The following IL9R variants were observed in gnomAD, a reference collection of about 807,000 sequenced individuals.
IL9R encodes interleukin 9 receptor.
Under a neutral mutation model 56.3 loss-of-function variants are expected in IL9R, and 54 were observed. The observed-to-expected ratio is 0.96, with a 90% CI of 0.77 to 1.20. The LOEUF is 1.20. IL9R is among the 50% of genes most tolerant of loss of function. The pLI is 0.00. For missense variants in IL9R, 545 were observed against 629.8 expected, an observed-to-expected ratio of 0.87 and a Z score of 1.44; for synonymous variants, 212 against 250.2, an observed-to-expected ratio of 0.85 and a Z score of 1.44.
intron 8 of IL9R, among the ~76,000 whole-genome samples, chrX:156,009,033 ATC>A (rs2068222399): frequency 1.4e-5 from 1 of 70,952 alleles, no homozygotes; most frequent in Non-Finnish European, 2.9e-5. Context: ...GTGTGTCTGT[ATC>A]TGTGTGTGTT....
intron 1 of IL9R, among the ~76,000 whole-genome samples, chrX:156,000,990 A>C (rs2067482886): frequency 6.6e-6 from 1 of 152,106 alleles, no homozygotes; most frequent in Admixed American, 6.5e-5. Flanking sequence ...TACCAGGTAC[A>C]GATGTAAGTT....
chrX:156,003,336 C>A (rs1186236475), intron 2 of IL9R, 113 bp from the exon 3 acceptor site: 1 of 779,170 alleles, frequency 1.3e-6, no homozygotes, highest in African/African-American at 1.7e-5. Flanking sequence ...ATTCTGGGAT[C>A]ATTTACTGGT....
rs1438384313 is a variant in IL9R, at chrX:155,997,735, A to G, written c.-25A>G. 6.2e-7 allele frequency: 1 copy of G among 1,613,166 alleles called. No homozygotes were observed. The highest frequency in any genetic ancestry group is 1.7e-5 in the Admixed American group (1 of 60,004). On this transcript the variant is annotated 5_prime_UTR_variant, in exon 1 of 9. Transcript: ENST00000244174. Reference sequence around the variant, plus strand: ...GATAGTTGGGTGACAAATCACCTCCAGGTTGGGGATGCCTCAGACTTGTGA... The same window carrying G: ...GATAGTTGGGTGACAAATCACCTCCGGGTTGGGGATGCCTCAGACTTGTGA...
intron 6 of IL9R, among the ~76,000 whole-genome samples, chrX:156,005,833 A>T (rs1429472031): frequency 1.3e-5 from 2 of 152,054 alleles, no homozygotes; most frequent in African/African-American, 4.8e-5. Flanking sequence ...CAGGGACTTT[A>T]TGACCCACCT....
intron 5 of IL9R, among the ~76,000 whole-genome samples, chrX:156,005,032 G>T (rs774260294): frequency 1.3e-5 from 2 of 152,150 alleles, no homozygotes; most frequent in South Asian, 4.2e-4. Flanking sequence ...GAGTGTGAAA[G>T]TGTTCCTGTA....
chrX:156,005,323 C>A lies in IL9R; in HGVS notation c.625C>A (p.Leu209Ile). ...CATTGTCGGGGTGACCTGGCTTATA[C>A]TTGAAGCCTTTGAGCTGGACCCTGG... ...DHIVGVTWLILEAFELDPGFI... is the reference protein window; with the variant it reads ...DHIVGVTWLIIEAFELDPGFI... The change falls in exon 6 of 9, where the codon CTT becomes ATT. Residue 209 changes from leucine (L) to isoleucine (I), a missense_variant. Leu to Ile is a conservative substitution (Grantham distance 5, BLOSUM62 2). This residue lies in a region of IL9R where 431 missense variants were observed against 360.0 expected (regional missense o/e 1.20). Coordinates refer to ENST00000244174, the MANE Select transcript of IL9R (RefSeq NM_002186.3). The A allele has an allele frequency of 8.1e-6, 13 of 1,612,290 alleles. No homozygotes were observed. The highest frequency in any genetic ancestry group is 1.1e-5 in the Non-Finnish European group (13 of 1,179,840).
Position 156,000,145 on chromosome X carries a change from A to AAT in IL9R, c.28+2372_28+2373dup, listed in dbSNP as rs1556394101. Among the ~76,000 whole-genome samples, 149 of 144,192 alleles carry AAT rather than the reference A, an allele frequency of 1.0e-3. 1 individual carries two copies. The highest frequency in any genetic ancestry group is 3.6e-3 in the Middle Eastern group (1 of 280). 94.6% of individuals were successfully genotyped at this position (144,192 alleles called of 152,430 possible). ...AGCGAGACTCCGTCTAAAAAAAAAAAATATATATATATATACACACATATA... is the reference window on the plus strand; with the variant it reads ...AGCGAGACTCCGTCTAAAAAAAAAAAATATATATATATATATACACACATATA... On this transcript the variant is annotated intron_variant, in intron 1 of 8. Transcript: ENST00000244174.
At chrX:156,003,888 G>T in intron 4 of IL9R, 33 bp downstream of exon 4, 1 of 1,609,630 alleles carries the variant, frequency 6.2e-7, no homozygotes. Flanking sequence ...GGGCGGGGCC[G>T]CTTGGCAAGA....
At chrX:156,001,252 C>A (rs2067500434) in intron 1 of IL9R, 2 of 709,474 alleles carry the variant, frequency 2.8e-6, no homozygotes, top group South Asian at 3.2e-5. Context: ...GGTGTTTCTC[C>A]ACTGCTGGGG....
chrX:156,007,465 A>G, intron 7 of IL9R, 58 bp from the exon 8 acceptor site: 1 of 857,024 alleles, frequency 1.2e-6, no homozygotes. Flanking sequence ...CAGCCTCTGC[A>G]GTGACCTCAG....
intron 1 of IL9R, chrX:156,001,453 C>T (rs182277139): frequency 6.1e-5 from 99 of 1,611,050 alleles, no homozygotes; most frequent in African/African-American, 5.5e-4. Flanking sequence ...GAACTTGCCA[C>T]GGTGTTTCAT....
chrX:155,997,813 A>T, intron 1 of IL9R, 26 bp downstream of exon 1: 1 of 1,606,912 alleles, frequency 6.2e-7, no homozygotes, highest in Non-Finnish European at 8.5e-7. Context: ...GGGCTTCCCA[A>T]CCTCTCAAGT....
rs1361693101 is a variant in IL9R at position 156,003,572 on chromosome X, G to T, written c.254+12G>T. The T allele has an allele frequency of 6.2e-7, 1 of 1,603,312 alleles. No individual in the cohort carries two copies. The highest frequency in any genetic ancestry group is 1.7e-5 in the Admixed American group (1 of 59,988). ...CTCCTCTTCACCAGGTGAGCATGGA[G>T]GGCCATGCCCACCTGGACAGGGATG... is the stretch of plus-strand genomic sequence containing the variant. On this transcript the variant is annotated intron_variant, in intron 3 of 8. Transcript: ENST00000244174.
rs1189115094 is a variant in IL9R at position 156,002,893 on chromosome X, C to T, written c.29-13C>T. 1 of 1,613,718 alleles carries T rather than the reference C, an allele frequency of 6.2e-7. No individual in the cohort carries two copies. The highest frequency in any genetic ancestry group is 8.5e-7 in the Non-Finnish European group (1 of 1,179,860). On this transcript the variant is annotated splice_polypyrimidine_tract_variant and intron_variant, in intron 1 of 8. Coordinates refer to ENST00000244174, the MANE Select transcript of IL9R (RefSeq NM_002186.3). ...GATGATTTGCACAGGGCCCTCAGCCCAGTCCCTTGCAGGCTGGACCTTGGA... is the reference window on the plus strand; with the variant it reads ...GATGATTTGCACAGGGCCCTCAGCCTAGTCCCTTGCAGGCTGGACCTTGGA...
At chrX:156,012,934 C>A (rs2068470603), downstream of IL9R, among the ~76,000 whole-genome samples, 1 of 151,156 alleles carries the variant, frequency 6.6e-6, no homozygotes, top group Middle Eastern at 3.4e-3. Flanking sequence ...GGGCTGACTG[C>A]CTATGGGGCA....
chrX:156,009,073 CTGTGTGTGTTTG>C (rs1341509912), intron 8 of IL9R, among the ~76,000 whole-genome samples: 16 of 95,860 alleles, frequency 1.7e-4, no homozygotes, highest in Middle Eastern at 8.6e-3. Context: ...GTGTGTGTGT[CTGTGTGTGTTTG>C]TGTGTGTGTG....
downstream of IL9R, among the ~76,000 whole-genome samples, chrX:156,011,378 G>T (rs1454621583): frequency 3.8e-5 from 4 of 106,194 alleles, 1 homozygote; most frequent in South Asian, 6.9e-4. Context: ...TGAAACAGAA[G>T]TTGATATTAG....
intron 1 of IL9R, among the ~76,000 whole-genome samples, chrX:155,998,672 C>T (rs1203368726): frequency 2.0e-5 from 3 of 152,018 alleles, no homozygotes; most frequent in Non-Finnish European, 4.4e-5. Context: ...TCCTGGGTAC[C>T]CACAACATGA....
chrX:156,000,400 C>T (rs1307289222), intron 1 of IL9R, among the ~76,000 whole-genome samples: 10 of 152,104 alleles, frequency 6.6e-5, no homozygotes, highest in Non-Finnish European at 1.0e-4. Context: ...GCCTAGTAGG[C>T]ATCTGGGCCA....
Sources: allele counts gnomAD v4.1 joint callset (sites outside exome capture counted in the v4.1 genomes callset), GRCh38; gene constraint gnomAD v4.1.1; regional missense constraint gnomAD v4.1.1; transcripts MANE v1.5; gene names NCBI Gene and HGNC (gene_info 2026-07-23, HGNC 2026-07-21).